The following ZC3H14 variants were observed in gnomAD, a reference collection of about 807,000 sequenced individuals.
ZC3H14 encodes zinc finger CCCH-type containing 14.
ZC3H14 carries 31 observed loss-of-function variants against 92.4 expected under a neutral mutation model. That is an observed-to-expected ratio of 0.34 (90% CI 0.25 to 0.45). ZC3H14 has a LOEUF of 0.45. Among genes scored for constraint, ZC3H14 ranks in the 20% least tolerant of loss-of-function variants. The probability of loss-of-function intolerance (pLI) is 1.00; values close to 1 mark genes in which losing one functional copy is unlikely to be tolerated. For synonymous variants in ZC3H14, 321 were observed against 300.9 expected (o/e 1.07, Z -0.69); for missense variants, 781 against 897.3 (o/e 0.87, Z 1.66).
intron 12 of ZC3H14, among the ~76,000 whole-genome samples, chr14:88,606,671 A>T (rs1474223867): frequency 7.0e-6 from 1 of 143,160 alleles, no homozygotes; most frequent in East Asian, 2.2e-4. Context: ...TGGGAGGCAG[A>T]GGTTGCAGTG....
Position 88,602,018 on chromosome 14 carries a change from C to A in ZC3H14, c.1449C>A (p.Asn483Lys), listed in dbSNP as rs987668612. 2 of 1,614,170 alleles carry A rather than the reference C, an allele frequency of 1.2e-6. No homozygotes were observed. Among genetic ancestry groups the A allele is most frequent in the African/African-American group, 2.7e-5 (2 of 75,054 alleles). Residue 483 changes from asparagine to lysine, a missense_variant, in exon 11 of 17, where the codon AAC (asparagine) becomes AAA (lysine). By Grantham distance (94) the Asn-to-Lys change is moderately conservative (BLOSUM62 0). Transcript: ENST00000251038. ...CTGAGGAAGTAGTAGTGGCACCAAA[C>A]CAAGAGTCGGGGATGAAGACTGCAG... ...KLSEEVVVAP[N>K]QESGMKTADS...
chr14:88,563,185 G>A lies in ZC3H14; in HGVS notation c.36+16G>A. On this transcript the variant is annotated intron_variant, in intron 1 of 16. Transcript: ENST00000251038. The stretch of plus-strand genomic sequence containing the variant: ...CAAGATCCGGGTGAGGCCCGTGCCG[G>A]TCGGGGGTGGGAAGCCAGGTCTCGG... 1 of 1,603,014 alleles carries A rather than the reference G, an allele frequency of 6.2e-7. No homozygotes were observed. Among genetic ancestry groups the A allele is most frequent in the African/African-American group, 1.3e-5 (1 of 74,870 alleles).
chr14:88,569,256 C>G (rs1320219634), intron 3 of ZC3H14, among the ~76,000 whole-genome samples: 2 of 152,144 alleles, frequency 1.3e-5, no homozygotes, highest in Non-Finnish European at 2.9e-5. Flanking sequence ...TTGCCTTTTA[C>G]AATGAGTTAC....
At chr14:88,600,609 TTTTA>T (rs1011099510) in intron 10 of ZC3H14, among the ~76,000 whole-genome samples, 2 of 151,962 alleles carry the variant, frequency 1.3e-5, no homozygotes, top group African/African-American at 4.8e-5. Flanking sequence ...GCCTGGCTAA[TTTTA>T]TTTATTTATT....
At position 88,617,065 on chromosome 14, in the gene ZC3H14, T is replaced by G; in HGVS notation, c.*5314T>G. 1 of 467,812 alleles carries G rather than the reference T, an allele frequency of 2.1e-6. No individual in the cohort carries two copies. The highest frequency in any genetic ancestry group is 3.8e-6 in the Non-Finnish European group (1 of 265,508). The allele number at this position is 467,812 out of a possible 1,614,324, so 29.0% of individuals were successfully genotyped here. Reference sequence around the variant, plus strand: ...GATATCAACTCCTGCCTTTTAAAAATGACATTTTATAATTTGAAGGGTTTC... The same window carrying G: ...GATATCAACTCCTGCCTTTTAAAAAGGACATTTTATAATTTGAAGGGTTTC... On this transcript the variant is annotated 3_prime_UTR_variant, in exon 17 of 17. Transcript: ENST00000251038.
intron 16 of ZC3H14, 70 bp downstream of exon 16, chr14:88,611,010 A>G: frequency 6.9e-7 from 1 of 1,459,660 alleles, no homozygotes; most frequent in Admixed American, 1.7e-5. Flanking sequence ...TTCTAAATTT[A>G]TAAGCACACA....
chr14:88,616,018 G>T lies in ZC3H14; in HGVS notation c.*4267G>T. 1 of 1,285,346 alleles carries T rather than the reference G, an allele frequency of 7.8e-7. No homozygotes were observed. The highest frequency in any genetic ancestry group is 1.1e-6 in the Non-Finnish European group (1 of 901,960). The allele number at this position is 1,285,346 out of a possible 1,614,324, so 79.6% of individuals were successfully genotyped here. On this transcript the variant is annotated 3_prime_UTR_variant, in exon 17 of 17. Transcript: ENST00000251038. ...AATATGAGATTCTGAAGAGCCATCT[G>T]GTTATACTACCTTCTACTAATGTTG...
In ZC3H14 at chr14:88,570,722, T is replaced by C. The variant is rs2080276646; in HGVS notation, c.195-362T>C. 2.6e-5 allele frequency among the ~76,000 whole-genome samples: 4 copies of C among 152,302 alleles called. No homozygotes were observed. In the South Asian group the frequency reaches 8.3e-4, roughly 32 times the overall value. ...ATGTTGAAAACAGTGAAGAAAAAAA[T>C]ACAATTTTTTATTGACTTCTGTAGG... On this transcript the variant is annotated intron_variant, in intron 3 of 16. Transcript: ENST00000251038.
Position 88,625,146 on chromosome 14 carries a change from G to C in ZC3H14, c.*13395G>C. 6.2e-7 allele frequency: 1 copy of C among 1,611,992 alleles called. No homozygotes were observed. Among genetic ancestry groups the C allele is most frequent in the South Asian group, 1.1e-5 (1 of 90,692 alleles). On this transcript the variant is annotated 3_prime_UTR_variant, in exon 17 of 17. Coordinates refer to ENST00000251038, the MANE Select transcript of ZC3H14 (RefSeq NM_024824.5). ...AGTTATTCTGAAAAGGAGTGGGGGA[G>C]GGGGAGACAAACTCATCAAAAGTTC...
At chr14:88,595,415 T>A (rs1171569192) in intron 9 of ZC3H14, among the ~76,000 whole-genome samples, 1 of 152,254 alleles carries the variant, frequency 6.6e-6, no homozygotes, top group Non-Finnish European at 1.5e-5. Context: ...GAAATTATTT[T>A]AAAATGTCTC....
intron 14 of ZC3H14, 153 bp from the exon 15 acceptor site, chr14:88,609,559 G>A: frequency 2.2e-6 from 3 of 1,353,892 alleles, no homozygotes; most frequent in South Asian, 2.4e-5. Context: ...GTGCCTATCT[G>A]TAGTATTCCG....
At chr14:88,595,241 T>C (rs1230551397) in intron 9 of ZC3H14, 1 of 1,481,344 alleles carries the variant, frequency 6.8e-7, no homozygotes. Context: ...GGACCTTTAA[T>C]GACAAATTTG....
chr14:88,577,131 T>C (rs546196441), intron 8 of ZC3H14, among the ~76,000 whole-genome samples: 1 of 152,274 alleles, frequency 6.6e-6, no homozygotes, highest in Admixed American at 6.5e-5. Flanking sequence ...TCTGTCCTCT[T>C]GGTTCTCCTC....
intron 9 of ZC3H14, chr14:88,594,772 C>G: frequency 6.2e-7 from 1 of 1,614,054 alleles, no homozygotes; most frequent in South Asian, 1.1e-5. Flanking sequence ...ACCAATTTTT[C>G]TTCCACCGGA....
rs780278221 is a variant in ZC3H14 at position 88,596,741 on chromosome 14, A to T, written c.1287A>T (p.Gln429His). 1 of 1,613,850 alleles carries T rather than the reference A, an allele frequency of 6.2e-7. No individual in the cohort carries two copies. Among genetic ancestry groups the T allele is most frequent in the South Asian group, 1.1e-5 (1 of 91,082 alleles). ...TTAAAATTTATATTCTAGGAACTCA[A>T]CAGAGGCAATTATTATCCCGACTGC... ...GDSVEKNQGT[Q>H]QRQLLSRLQI... Residue 429 changes from glutamine (Q) to histidine (H), a missense_variant, in exon 10 of 17, where the codon CAA (glutamine) becomes CAT (histidine). Coordinates refer to ENST00000251038, the MANE Select transcript of ZC3H14 (RefSeq NM_024824.5).
Position 88,624,804 on chromosome 14 carries a change from A to C in ZC3H14, c.*13053A>C, listed in dbSNP as rs1019425015. ...AATTGGAAGTGAATTAAGACCAGAAATGAGAATCAAATAGAAGGCACATAA... is the reference window on the plus strand; with the variant it reads ...AATTGGAAGTGAATTAAGACCAGAACTGAGAATCAAATAGAAGGCACATAA... On this transcript the variant is annotated 3_prime_UTR_variant, in exon 17 of 17. Coordinates refer to ENST00000251038, the MANE Select transcript of ZC3H14 (RefSeq NM_024824.5). The C allele has an allele frequency of 2.6e-6, 2 of 780,876 alleles. No homozygotes were observed. Among genetic ancestry groups the C allele is most frequent in the Non-Finnish European group, 3.9e-6 (2 of 508,176 alleles). The allele number at this position is 780,876 out of a possible 1,614,324, so 48.4% of individuals were successfully genotyped here.
chr14:88,600,876 T>C (rs1262387267), intron 10 of ZC3H14, among the ~76,000 whole-genome samples: 2 of 152,174 alleles, frequency 1.3e-5, no homozygotes, highest in Non-Finnish European at 2.9e-5. Flanking sequence ...CTTCCAGCCA[T>C]TCCACATTCT....
At chr14:88,587,355 A>G (rs7144206) in intron 9 of ZC3H14, among the ~76,000 whole-genome samples, 144,636 of 152,036 alleles carry the variant, frequency 0.95, 69,093 homozygotes, top group Non-Finnish European at 1. Context: ...TAGTAGAGAC[A>G]GGGTCTCACC....
chr14:88,627,018 G>A lies in ZC3H14; in HGVS notation c.*15267G>A. ...ATTCTGCCACAAAAATACGTTGATTGTGACCAGCTCTGCTGGCAATTTTGG... is the reference window on the plus strand; with the variant it reads ...ATTCTGCCACAAAAATACGTTGATTATGACCAGCTCTGCTGGCAATTTTGG... On this transcript the variant is annotated 3_prime_UTR_variant, in exon 17 of 17. Transcript: ENST00000251038. The A allele has an allele frequency of 6.2e-7, 1 of 1,613,798 alleles. No homozygotes were observed. Among genetic ancestry groups the A allele is most frequent in the Admixed American group, 1.7e-5 (1 of 60,000 alleles).
Sources: allele counts gnomAD v4.1 joint callset (sites outside exome capture counted in the v4.1 genomes callset), GRCh38; gene constraint gnomAD v4.1.1; transcripts MANE v1.5; gene names NCBI Gene and HGNC (gene_info 2026-07-23, HGNC 2026-07-21).